The following SPOCK3 variants were observed in gnomAD, a reference collection of about 807,000 sequenced individuals.
SPOCK3 encodes testican-3.
SPOCK3 carries 30 observed loss-of-function variants against 56.6 expected under a neutral mutation model. That is an observed-to-expected ratio of 0.53 (90% CI 0.40 to 0.72). The LOEUF is 0.72. SPOCK3 is among the 30% of genes least tolerant of loss of function. SPOCK3 has a pLI of 0.00. For missense variants in SPOCK3, 527 were observed against 530.0 expected, an observed-to-expected ratio of 0.99 and a Z score of 0.06; for synonymous variants, 196 against 183.3, an observed-to-expected ratio of 1.07 and a Z score of -0.56.
intron 2 of SPOCK3, among the ~76,000 whole-genome samples, chr4:167,085,998 C>A (rs970210218): frequency 6.6e-6 from 1 of 152,034 alleles, no homozygotes; most frequent in African/African-American, 2.4e-5. Flanking sequence ...ATTTGACCTA[C>A]TAGGCTATGA....
chr4:166,861,217 A>G (rs1731215523), intron 6 of SPOCK3, among the ~76,000 whole-genome samples: 1 of 152,066 alleles, frequency 6.6e-6, no homozygotes, highest in Non-Finnish European at 1.5e-5. Flanking sequence ...GTAAAGGTAA[A>G]TGATAAAATT....
intron 2 of SPOCK3, among the ~76,000 whole-genome samples, chr4:167,171,774 C>A (rs1730518193): frequency 6.6e-6 from 1 of 151,842 alleles, no homozygotes; most frequent in Admixed American, 6.6e-5. Flanking sequence ...AAAGGAATTT[C>A]TGTCTTATTA....
At position 166,766,617 on chromosome 4, in the gene SPOCK3, A is replaced by G. The variant is rs535562773; in HGVS notation, c.710-11888T>C. 2.0e-4 allele frequency among the ~76,000 whole-genome samples: 30 copies of G among 152,264 alleles called. 1 individual carries two copies. Among genetic ancestry groups the G allele is most frequent in the African/African-American group, 7.0e-4 (29 of 41,546 alleles). On this transcript the variant is annotated intron_variant, in intron 7 of 10. Transcript: ENST00000357545. ...GTATCTTATTGAGGATTTTTGCATC[A>G]ATGTTCATCAGCGATATTGGTCTAA...
chr4:167,228,114 C>T (rs1736781254), intron 2 of SPOCK3, among the ~76,000 whole-genome samples: 1 of 152,118 alleles, frequency 6.6e-6, no homozygotes, highest in Non-Finnish European at 1.5e-5. Context: ...TGGCTTTCTA[C>T]TCAACATGTT....
intron 4 of SPOCK3, among the ~76,000 whole-genome samples, chr4:166,954,182 A>G (rs1743102582): frequency 6.6e-6 from 1 of 152,166 alleles, no homozygotes; most frequent in Non-Finnish European, 1.5e-5. Flanking sequence ...GGTTGGTGCA[A>G]AAATAACATT....
chr4:166,856,790 A>G (rs1730720585), intron 6 of SPOCK3, among the ~76,000 whole-genome samples: 2 of 151,184 alleles, frequency 1.3e-5, no homozygotes, highest in South Asian at 4.2e-4. Flanking sequence ...TTATCTATCT[A>G]TCTATCTATC....
intron 2 of SPOCK3, among the ~76,000 whole-genome samples, chr4:167,115,995 A>G (rs563900297): frequency 6.6e-6 from 1 of 152,160 alleles, no homozygotes; most frequent in Non-Finnish European, 1.5e-5. Flanking sequence ...AGGATATGAT[A>G]ACAGAGAAAA....
At chr4:167,053,129 T>C (rs1754396655) in intron 3 of SPOCK3, among the ~76,000 whole-genome samples, 1 of 152,138 alleles carries the variant, frequency 6.6e-6, no homozygotes. Context: ...GGGAGTCAGA[T>C]AAAGCTCTAA....
At chr4:166,755,314 T>A (rs896174570) in intron 7 of SPOCK3, among the ~76,000 whole-genome samples, 1 of 152,082 alleles carries the variant, frequency 6.6e-6, no homozygotes, top group African/African-American at 2.4e-5. Flanking sequence ...AAGGAAATTT[T>A]ACAAATGCAA....
intron 4 of SPOCK3, among the ~76,000 whole-genome samples, chr4:166,960,515 G>T (rs1744027030): frequency 6.6e-6 from 1 of 152,190 alleles, no homozygotes; most frequent in Non-Finnish European, 1.5e-5. Flanking sequence ...AGCTTTGGCA[G>T]TGAGTCTGAT....
intron 3 of SPOCK3, among the ~76,000 whole-genome samples, chr4:167,040,574 T>C (rs1753154766): frequency 6.6e-6 from 1 of 152,218 alleles, no homozygotes; most frequent in Non-Finnish European, 1.5e-5. Flanking sequence ...TCAAAATACC[T>C]TTAATGAAAT....
intron 4 of SPOCK3, among the ~76,000 whole-genome samples, chr4:166,956,344 C>T (rs1037427222): frequency 3.3e-5 from 5 of 151,982 alleles, no homozygotes. Context: ...TAGCAATATG[C>T]CAGCAACACT....
chr4:167,006,065 A>G (rs900545226), intron 3 of SPOCK3, among the ~76,000 whole-genome samples: 2 of 152,198 alleles, frequency 1.3e-5, no homozygotes, highest in African/African-American at 4.8e-5. Flanking sequence ...TGAGCATTCA[A>G]TTATTGCAAT....
intron 2 of SPOCK3, among the ~76,000 whole-genome samples, chr4:167,208,230 A>G (rs1734539522): frequency 6.6e-6 from 1 of 152,136 alleles, no homozygotes; most frequent in African/African-American, 2.4e-5. Context: ...GTCGGGGGCA[A>G]TTTCTTAGAG....
chr4:167,009,558 G>C (rs1251323812), intron 3 of SPOCK3, among the ~76,000 whole-genome samples: 1 of 152,060 alleles, frequency 6.6e-6, no homozygotes. Context: ...AAGGCTGTGA[G>C]AGAAACAAAT....
At chr4:166,817,905 T>G (rs1391296035) in intron 6 of SPOCK3, among the ~76,000 whole-genome samples, 1 of 152,082 alleles carries the variant, frequency 6.6e-6, no homozygotes, top group Non-Finnish European at 1.5e-5. Context: ...AGTTAATGCA[T>G]GTAATGTGTC....
intron 7 of SPOCK3, among the ~76,000 whole-genome samples, chr4:166,762,940 T>C (rs1207147298): frequency 1.3e-5 from 2 of 152,094 alleles, no homozygotes; most frequent in African/African-American, 2.4e-5. Flanking sequence ...ATATCAGCAA[T>C]TGAGGTCTCA....
chr4:167,205,316 TTATATATATAA>T (rs1223500128), intron 2 of SPOCK3, among the ~76,000 whole-genome samples: 1 of 36,470 alleles, frequency 2.7e-5, no homozygotes, highest in African/African-American at 1.1e-4. Flanking sequence ...ATTATATATT[TTATATATATAA>T]TATATATTAT....
rs1180225423 is a variant in SPOCK3 at position 166,741,316 on chromosome 4, T to C, written c.994+681A>G. 2.0e-5 allele frequency among the ~76,000 whole-genome samples: 3 copies of C among 152,224 alleles called. No individual in the cohort carries two copies. In the South Asian group the frequency reaches 6.2e-4, roughly 31 times the overall value. ...GTTATTTGGCACATGCAAGACGTTATATTTAGTGGAAGCTGGGTGAAGAAT... is the reference window on the plus strand; with the variant it reads ...GTTATTTGGCACATGCAAGACGTTACATTTAGTGGAAGCTGGGTGAAGAAT... On this transcript the variant is annotated intron_variant, in intron 9 of 10. Transcript: ENST00000357545.
Sources: allele counts gnomAD v4.1 joint callset (sites outside exome capture counted in the v4.1 genomes callset), GRCh38; gene constraint gnomAD v4.1.1; transcripts MANE v1.5; gene names NCBI Gene and HGNC (gene_info 2026-07-23, HGNC 2026-07-21).